Variants in ABCC9 observed in about 807,000 individuals in gnomAD.
The protein encoded by ABCC9 is ATP binding cassette subfamily C member 9.
In ABCC9, 95 loss-of-function variants were observed where a neutral mutation model predicts 188.3. The observed-to-expected ratio is 0.50, with a 90% CI of 0.43 to 0.60. The LOEUF is 0.60. Ranked by LOEUF, ABCC9 falls within the 20% of genes least tolerant of loss-of-function variation. ABCC9 has a pLI of 0.00. For synonymous variants in ABCC9, 659 were observed against 652.7 expected (o/e 1.01, Z -0.15); for missense variants, 1,102 against 1,876.3 (o/e 0.59, Z 7.62).
chr12:21,891,492 C>T (rs1009252555), intron 14 of ABCC9, among the ~76,000 whole-genome samples: 2 of 152,084 alleles, frequency 1.3e-5, no homozygotes, highest in African/African-American at 2.4e-5. Flanking sequence ...CTGAATCACA[C>T]CTGCCTCATT....
intron 25 of ABCC9, among the ~76,000 whole-genome samples, chr12:21,846,877 C>G (rs1207611851): frequency 6.6e-6 from 1 of 152,046 alleles, no homozygotes; most frequent in Admixed American, 6.6e-5. Context: ...ATTCCTAGTA[C>G]TTAATCTTTC....
intron 16 of ABCC9, among the ~76,000 whole-genome samples, chr12:21,880,876 T>G (rs1946585955): frequency 1.3e-5 from 2 of 151,916 alleles, no homozygotes; most frequent in South Asian, 4.2e-4. Context: ...AGCCCCAAAC[T>G]GAAAAATACC....
Position 21,807,493 on chromosome 12 carries a change from A to C in ABCC9, c.4316-14T>G, listed in dbSNP as rs886049168. 1.2e-6 allele frequency: 2 copies of C among 1,613,696 alleles called. No individual in the cohort carries two copies. The highest frequency in any genetic ancestry group is 4.5e-5 in the East Asian group (2 of 44,870). The stretch of plus-strand genomic sequence containing the variant: ...TGACAACCGCATCTAAATCAGAGAA[A>C]GAAGCAAGGATTTCACTAAAGAAAT... On this transcript the variant is annotated splice_polypyrimidine_tract_variant and intron_variant, in intron 37 of 39. Transcript: ENST00000261200.
intron 29 of ABCC9, 130 bp from the exon 30 acceptor site, chr12:21,838,300 T>C (rs1944207068): frequency 1.4e-6 from 1 of 731,350 alleles, no homozygotes; most frequent in South Asian, 1.5e-5. Flanking sequence ...CCCCTAGCAC[T>C]CAATTAACAA....
At chr12:21,873,467 A>G (rs1946181357) in intron 17 of ABCC9, among the ~76,000 whole-genome samples, 1 of 152,202 alleles carries the variant, frequency 6.6e-6, no homozygotes, top group South Asian at 2.1e-4. Flanking sequence ...GGAAGAATTA[A>G]TATTGTTAAA....
intron 37 of ABCC9, among the ~76,000 whole-genome samples, chr12:21,808,160 C>T (rs1264062159): frequency 6.6e-6 from 1 of 151,938 alleles, no homozygotes; most frequent in African/African-American, 2.4e-5. Context: ...CCCTAATGTC[C>T]TGGGGAAAAT....
intron 31 of ABCC9, among the ~76,000 whole-genome samples, chr12:21,822,521 C>T (rs1943099113): frequency 6.6e-6 from 1 of 151,948 alleles, no homozygotes; most frequent in African/African-American, 2.4e-5. Flanking sequence ...CTTTTGTGGC[C>T]AGGTGCAGTG....
At chr12:21,898,823 T>C (rs978790852) in intron 12 of ABCC9, among the ~76,000 whole-genome samples, 1 of 152,218 alleles carries the variant, frequency 6.6e-6, no homozygotes, top group Non-Finnish European at 1.5e-5. Context: ...CAGTTGCTTT[T>C]AAAGTTAGAG....
chr12:21,908,424 G>A (rs1436893083), intron 10 of ABCC9, among the ~76,000 whole-genome samples: 1 of 152,000 alleles, frequency 6.6e-6, no homozygotes, highest in Non-Finnish European at 1.5e-5. Context: ...ATTTGGGGAA[G>A]GCTAAGTGCT....
At chr12:21,847,957 C>T (rs1277608597) in intron 25 of ABCC9, among the ~76,000 whole-genome samples, 193 bp downstream of exon 25, 3 of 152,118 alleles carry the variant, frequency 2.0e-5, no homozygotes, top group Non-Finnish European at 1.5e-5. Context: ...TCTGTGGAGG[C>T]CCTCAAGATG....
At chr12:21,819,241 A>G (rs142869596) in intron 31 of ABCC9, among the ~76,000 whole-genome samples, 7 of 152,290 alleles carry the variant, frequency 4.6e-5, no homozygotes, top group African/African-American at 1.4e-4. Flanking sequence ...AATTTCAGAT[A>G]TGCTCACTTT....
chr12:21,922,434 G>A (rs1948861732), intron 5 of ABCC9, among the ~76,000 whole-genome samples: 1 of 151,854 alleles, frequency 6.6e-6, no homozygotes, highest in African/African-American at 2.4e-5. Flanking sequence ...AATTTGATTT[G>A]CTGGTATTTT....
chr12:21,842,399 A>G lies in ABCC9; in HGVS notation c.3388T>C (p.Tyr1130His). 3.1e-6 allele frequency: 5 copies of G among 1,614,162 alleles called. No individual in the cohort carries two copies. The South Asian group carries it at 4.4e-5, about 14-fold the overall frequency. ...GCAACCAGGAACACAGGAGTAGCAT[A>G]AGAAATCATCCCAATGGCAGACAGG... is the stretch of plus-strand genomic sequence containing the variant. ...LCLSAIGMIS[Y>H]ATPVFLVALL... The change falls in exon 29 of 40, where the codon TAT (tyrosine) becomes CAT (histidine). Residue 1130 changes from tyrosine to histidine, a missense_variant. Tyr to His is a moderately conservative substitution (Grantham distance 83). Around this residue, in one of 12 missense-constraint regions of ABCC9, gnomAD observed 12 missense variants for 57.2 expected, o/e 0.21. Coordinates refer to ENST00000261200, the MANE Select transcript of ABCC9 (RefSeq NM_020297.4).
At chr12:21,883,345 G>A (rs894811162) in intron 15 of ABCC9, among the ~76,000 whole-genome samples, 6 of 152,168 alleles carry the variant, frequency 3.9e-5, no homozygotes, top group South Asian at 2.1e-4. Context: ...TGTTGTTCTC[G>A]TGATAGTGAC....
At chr12:21,844,716 G>T (rs759933276) in intron 27 of ABCC9, 51 bp downstream of exon 27, 1 of 1,602,038 alleles carries the variant, frequency 6.2e-7, no homozygotes, top group Non-Finnish European at 8.6e-7. Flanking sequence ...ATTGAAAAAT[G>T]CATATTTTTA....
At chr12:21,872,403 A>G (rs1404017197) in intron 18 of ABCC9, among the ~76,000 whole-genome samples, 1 of 152,218 alleles carries the variant, frequency 6.6e-6, no homozygotes, top group Non-Finnish European at 1.5e-5. Flanking sequence ...TTGTCTCAGC[A>G]ATATACTAGT....
intron 5 of ABCC9, among the ~76,000 whole-genome samples, chr12:21,919,918 T>G (rs1948738697): frequency 6.6e-6 from 1 of 152,080 alleles, no homozygotes; most frequent in East Asian, 1.9e-4. Context: ...CTATGTGTGG[T>G]TCTTCTCAGA....
intron 16 of ABCC9, among the ~76,000 whole-genome samples, chr12:21,876,488 T>TA (rs920827427): frequency 1.3e-4 from 20 of 150,990 alleles, no homozygotes; most frequent in African/African-American, 2.9e-4. Flanking sequence ...TCACTGAAGT[T>TA]AAAAAAAAAG....
At chr12:21,914,817 T>A (rs1442594617) in intron 7 of ABCC9, among the ~76,000 whole-genome samples, 1 of 151,924 alleles carries the variant, frequency 6.6e-6, no homozygotes, top group Non-Finnish European at 1.5e-5. Flanking sequence ...CAGGCCCAAT[T>A]TACATGATTC....
Sources: allele counts gnomAD v4.1 joint callset (sites outside exome capture counted in the v4.1 genomes callset), GRCh38; gene constraint gnomAD v4.1.1; regional missense constraint gnomAD v4.1.1; transcripts MANE v1.5; gene names NCBI Gene and HGNC (gene_info 2026-07-23, HGNC 2026-07-21).